ARPP21: variants seen among roughly 807,000 people sequenced by gnomAD.
ARPP21 encodes the protein cAMP regulated phosphoprotein 21, also known as cAMP-regulated phosphoprotein 21.
A neutral mutation model predicts 113.2 loss-of-function variants in ARPP21; 69 were observed. That is an observed-to-expected ratio of 0.61 (90% CI 0.50 to 0.74). ARPP21 has a LOEUF of 0.74. Ranked by LOEUF, ARPP21 falls within the 30% of genes least tolerant of loss-of-function variation. The probability of loss-of-function intolerance (pLI) is 0.00; values close to 1 mark genes in which losing one functional copy is unlikely to be tolerated. For missense variants in ARPP21, 1,070 were observed against 1,037.4 expected, an observed-to-expected ratio of 1.03 and a Z score of -0.43; for synonymous variants, 368 against 375.5, an observed-to-expected ratio of 0.98 and a Z score of 0.23.
At chr3:35,739,296 A>G in intron 17 of ARPP21, 21 bp from the exon 18 acceptor site, 1 of 1,607,974 alleles carries the variant, frequency 6.2e-7, no homozygotes, top group Non-Finnish European at 8.5e-7. Context: ...GAATTCCCTC[A>G]TTTATTTCCA....
Position 35,714,291 on chromosome 3 carries a change from A to G in ARPP21, c.898-1148A>G, listed in dbSNP as rs79149198. Among the ~76,000 whole-genome samples the G allele has an allele frequency of 6.9e-3, 1,048 of 152,276 alleles. 14 individuals carry two copies. The highest frequency in any genetic ancestry group is 0.024 in the African/African-American group (979 of 41,552). ...AAACTGAGAGAAACACCATGTCTAA[A>G]TCTAGCCCATTGGCTTAGTGGAAGG... On this transcript the variant is annotated intron_variant, in intron 11 of 20. Coordinates refer to ENST00000684406, the MANE Select transcript of ARPP21 (RefSeq NM_001385562.1).
At chr3:35,717,991 G>C (rs1349350284) in intron 13 of ARPP21, among the ~76,000 whole-genome samples, 1 of 152,080 alleles carries the variant, frequency 6.6e-6, no homozygotes, top group Non-Finnish European at 1.5e-5. Flanking sequence ...CCATTGTAGA[G>C]AAAAGTGTAC....
intron 14 of ARPP21, among the ~76,000 whole-genome samples, chr3:35,726,359 T>C (rs763581861): frequency 3.3e-4 from 50 of 152,258 alleles, no homozygotes; most frequent in Non-Finnish European, 1.9e-4. Context: ...TGGCTCTCCC[T>C]GGCCTTGGTG....
At chr3:35,726,782 C>CT (rs2093571406) in intron 14 of ARPP21, among the ~76,000 whole-genome samples, 1 of 152,220 alleles carries the variant, frequency 6.6e-6, no homozygotes, top group Admixed American at 6.5e-5. Context: ...GACGTGCTCC[C>CT]TTGGCCCCAA....
chr3:35,770,870 C>T (rs539402817), intron 19 of ARPP21, among the ~76,000 whole-genome samples: 13 of 152,236 alleles, frequency 8.5e-5, no homozygotes, highest in Admixed American at 7.8e-4. Flanking sequence ...TAGTAGATGG[C>T]TGTTTGGTGC....
At chr3:35,741,514 A>G (rs940542740) in intron 18 of ARPP21, among the ~76,000 whole-genome samples, 18 of 152,224 alleles carry the variant, frequency 1.2e-4, no homozygotes, top group African/African-American at 4.3e-4. Context: ...CTATTTAATA[A>G]ATGTAAAGGT....
chr3:35,748,222 A>AAAGG (rs541350494), intron 19 of ARPP21, among the ~76,000 whole-genome samples: 3 of 142,378 alleles, frequency 2.1e-5, no homozygotes, highest in East Asian at 2.1e-4. Context: ...AGGAAGGAAT[A>AAAGG]AAGGAAGGAA....
In ARPP21 at chr3:35,744,255, G is replaced by A. The variant is rs1047566384; in HGVS notation, c.2137+290G>A. 2.0e-5 allele frequency among the ~76,000 whole-genome samples: 3 copies of A among 152,192 alleles called. No homozygotes were observed. In the South Asian group the frequency reaches 6.2e-4, roughly 31 times the overall value. On this transcript the variant is annotated intron_variant, in intron 19 of 20. Coordinates refer to ENST00000684406, the MANE Select transcript of ARPP21 (RefSeq NM_001385562.1). ...AGTCAACCATGTCCGTACCTTTCTA[G>A]TTCATACCTTCTTTTAATTTTTTTT...
intron 19 of ARPP21, among the ~76,000 whole-genome samples, chr3:35,774,085 A>G (rs1461043560): frequency 1.3e-5 from 2 of 152,160 alleles, no homozygotes; most frequent in African/African-American, 2.4e-5. Flanking sequence ...GATAGAGATC[A>G]TTTCCAAAAA....
chr3:35,713,070 G>T (rs1380553754), intron 11 of ARPP21, among the ~76,000 whole-genome samples: 1 of 152,112 alleles, frequency 6.6e-6, no homozygotes, highest in East Asian at 1.9e-4. Context: ...CAGAGCTGAG[G>T]GTGGGATGTG....
At chr3:35,720,621 T>C (rs1483853913) in intron 13 of ARPP21, among the ~76,000 whole-genome samples, 1 of 152,220 alleles carries the variant, frequency 6.6e-6, no homozygotes, top group Non-Finnish European at 1.5e-5. Context: ...TAAGGTATTT[T>C]ACGGATGCAT....
At chr3:35,735,572 T>C (rs550742280) in intron 15 of ARPP21, among the ~76,000 whole-genome samples, 1 of 152,208 alleles carries the variant, frequency 6.6e-6, no homozygotes, top group Non-Finnish European at 1.5e-5. Flanking sequence ...ATCAGAACAA[T>C]GTATGGACTG....
rs1239357531 is a variant in ARPP21 at position 35,682,902 on chromosome 3, A to G, written c.171+13A>G. 1.9e-6 allele frequency: 3 copies of G among 1,605,758 alleles called. No individual in the cohort carries two copies. Among genetic ancestry groups the G allele is most frequent in the East Asian group, 4.5e-5 (2 of 44,656 alleles). ...AAGAAAATCCAAGGTAGGGTTCTTA[A>G]CATTCTAGGTAGACCTGATATCATG... is the stretch of plus-strand genomic sequence containing the variant. On this transcript the variant is annotated intron_variant, in intron 4 of 20. Transcript: ENST00000684406.
At position 35,721,796 on chromosome 3, in the gene ARPP21, C is replaced by T; in HGVS notation, c.1187C>T (p.Thr396Ile). ...GITVLTRGDS[T>I]SSTRSTGKLS... ...ACGGTGCTGACCAGGGGTGACAGCA[C>T]TTCCAGTACTAGGAGTACCGGGAAG... The change falls in exon 14 of 21, where the codon ACT becomes ATT. Residue 396 changes from threonine to isoleucine, a missense_variant. Thr to Ile is a moderately conservative substitution (Grantham distance 89, BLOSUM62 -1). Transcript: ENST00000684406. 5 of 1,612,528 alleles carry T rather than the reference C, an allele frequency of 3.1e-6. No homozygotes were observed. The highest frequency in any genetic ancestry group is 4.2e-6 in the Non-Finnish European group (5 of 1,179,254).
intron 5 of ARPP21, chr3:35,684,115 G>C: frequency 6.6e-7 from 1 of 1,515,882 alleles, no homozygotes; most frequent in Non-Finnish European, 8.8e-7. Context: ...TTTCCTCAAA[G>C]GCTCTCTTTT....
At chr3:35,734,333 T>G (rs780334878) in intron 15 of ARPP21, among the ~76,000 whole-genome samples, 1 of 152,168 alleles carries the variant, frequency 6.6e-6, no homozygotes, top group Admixed American at 6.5e-5. Flanking sequence ...ATTGCTGATT[T>G]GGGAGGAAAA....
intron 18 of ARPP21, among the ~76,000 whole-genome samples, chr3:35,742,037 T>A (rs1181126042): frequency 4.6e-5 from 7 of 152,150 alleles, no homozygotes; most frequent in Non-Finnish European, 7.4e-5. Flanking sequence ...CAACAAAAAT[T>A]GAGTTCAAAA....
chr3:35,680,119 T>G (rs1336489994), intron 2 of ARPP21, among the ~76,000 whole-genome samples, 159 bp downstream of exon 2: 2 of 151,930 alleles, frequency 1.3e-5, no homozygotes, highest in Admixed American at 6.6e-5. Flanking sequence ...GAGCTCAATT[T>G]GTTCACTCCA....
intron 5 of ARPP21, chr3:35,684,684 T>C (rs2080024508): frequency 4.1e-6 from 4 of 985,242 alleles, no homozygotes; most frequent in African/African-American, 1.7e-5. Context: ...TTTGCTTTTT[T>C]CCTCTTACTT....
Sources: gnomAD v4.1 joint callset for allele counts (sites outside exome capture counted in the v4.1 genomes callset) on GRCh38, gnomAD v4.1.1 for gene constraint, MANE v1.5 for transcripts, NCBI Gene and HGNC (gene_info 2026-07-23, HGNC 2026-07-21) for gene names.